Variants in CNTNAP5 observed in about 807,000 individuals in gnomAD.
CNTNAP5 encodes the protein contactin-associated protein-like 5.
In CNTNAP5, 72 loss-of-function variants were observed where a neutral mutation model predicts 150.2. The observed-to-expected ratio is 0.48, with a 90% CI of 0.40 to 0.58. The LOEUF is 0.58. Among genes scored for constraint, CNTNAP5 ranks in the 20% least tolerant of loss-of-function variants. The probability of loss-of-function intolerance (pLI) is 0.00; values close to 1 mark genes in which losing one functional copy is unlikely to be tolerated. For missense variants in CNTNAP5, 1,636 were observed against 1,626.2 expected (o/e 1.01, Z -0.10); for synonymous variants, 672 against 619.8 (o/e 1.08, Z -1.25).
intron 1 of CNTNAP5, among the ~76,000 whole-genome samples, chr2:124,077,922 T>C (rs1033005627): frequency 2.0e-5 from 3 of 152,206 alleles, no homozygotes; most frequent in African/African-American, 4.8e-5. Context: ...TGAGGGCATA[T>C]GGACATGGTT....
At chr2:124,776,635 A>T (rs1681330567) in intron 17 of CNTNAP5, among the ~76,000 whole-genome samples, 1 of 152,294 alleles carries the variant, frequency 6.6e-6, no homozygotes, top group Non-Finnish European at 1.5e-5. Context: ...TATGCTTGTG[A>T]GTGCCTCATG....
At chr2:124,088,896 A>AT (rs1332928597) in intron 1 of CNTNAP5, among the ~76,000 whole-genome samples, 9 of 152,212 alleles carry the variant, frequency 5.9e-5, no homozygotes, top group African/African-American at 2.2e-4. Context: ...ATGAGTAAAG[A>AT]TAGAGCCACA....
chr2:124,332,565 G>A (rs913525672), intron 3 of CNTNAP5, among the ~76,000 whole-genome samples: 6 of 151,362 alleles, frequency 4.0e-5, no homozygotes, highest in African/African-American at 1.5e-4. Flanking sequence ...AATAAGTAAT[G>A]TTTTAATATT....
intron 8 of CNTNAP5, among the ~76,000 whole-genome samples, chr2:124,510,518 T>TATATATATATATATATATATATATAC (rs10641959): frequency 8.0e-6 from 1 of 124,916 alleles, no homozygotes. Context: ...TATATATATA[T>TATATATATATATATATATATATATAC]ACATATATCT....
intron 3 of CNTNAP5, among the ~76,000 whole-genome samples, chr2:124,409,233 G>A (rs1240169841): frequency 5.4e-5 from 6 of 112,070 alleles, no homozygotes; most frequent in African/African-American, 1.9e-4. Context: ...TATGTGAAAA[G>A]ACCAAATCTA....
chr2:124,126,097 A>C (rs1242602403), intron 1 of CNTNAP5, among the ~76,000 whole-genome samples: 2 of 152,244 alleles, frequency 1.3e-5, no homozygotes, highest in Admixed American at 6.5e-5. Flanking sequence ...GACACAAAAA[A>C]CCCTTCAAAA....
At chr2:124,709,759 A>G (rs1198811043) in intron 13 of CNTNAP5, among the ~76,000 whole-genome samples, 2 of 152,200 alleles carry the variant, frequency 1.3e-5, no homozygotes, top group African/African-American at 2.4e-5. Flanking sequence ...TAATTAATCC[A>G]CCAGATAATT....
chr2:124,574,963 C>T (rs1175405257), intron 11 of CNTNAP5, among the ~76,000 whole-genome samples: 1 of 152,214 alleles, frequency 6.6e-6, no homozygotes, highest in Non-Finnish European at 1.5e-5. Context: ...GAATCTGCCC[C>T]TCAGTGCTGT....
At chr2:124,679,124 G>A (rs1312371395) in intron 13 of CNTNAP5, among the ~76,000 whole-genome samples, 1 of 151,816 alleles carries the variant, frequency 6.6e-6, no homozygotes, top group Non-Finnish European at 1.5e-5. Context: ...AGACAGGCAG[G>A]CATTGACAAG....
chr2:124,845,378 T>G (rs1206960710), intron 19 of CNTNAP5, among the ~76,000 whole-genome samples: 1 of 152,052 alleles, frequency 6.6e-6, no homozygotes, highest in Non-Finnish European at 1.5e-5. Context: ...TGAATTTGGT[T>G]GGCTGGTATT....
At chr2:124,672,781 T>A (rs1192606297) in intron 13 of CNTNAP5, among the ~76,000 whole-genome samples, 1 of 152,126 alleles carries the variant, frequency 6.6e-6, no homozygotes, top group Non-Finnish European at 1.5e-5. Flanking sequence ...TTAAAAAGAC[T>A]AAAATATGAG....
rs1356844958 is a variant in CNTNAP5 at position 124,920,753 on chromosome 2, G to C, written c.*6465G>C. Among the ~76,000 whole-genome samples the C allele has an allele frequency of 6.6e-6, 1 of 152,110 alleles. No individual in the cohort carries two copies. Among genetic ancestry groups the C allele is most frequent in the East Asian group, 1.9e-4 (1 of 5,176 alleles). ...TAATTTAGTTCATAGGTTACGGTTT[G>C]CTGATTCCTAAGATAGAGCATTACA... On this transcript the variant is annotated 3_prime_UTR_variant, in exon 24 of 24. Transcript: ENST00000682447.
intron 19 of CNTNAP5, among the ~76,000 whole-genome samples, chr2:124,840,734 C>T (rs184532369): frequency 3.9e-5 from 6 of 152,036 alleles, no homozygotes; most frequent in East Asian, 1.9e-4. Context: ...GCTAGTTACA[C>T]GATTTGTTAA....
chr2:124,409,751 C>A (rs1029624539), intron 3 of CNTNAP5, among the ~76,000 whole-genome samples: 1 of 150,988 alleles, frequency 6.6e-6, no homozygotes, highest in Non-Finnish European at 1.5e-5. Flanking sequence ...AAGGAACAAC[C>A]GGTACCAGCC....
chr2:124,565,543 A>T (rs1342583890), intron 11 of CNTNAP5, among the ~76,000 whole-genome samples: 1 of 151,618 alleles, frequency 6.6e-6, no homozygotes, highest in Non-Finnish European at 1.5e-5. Context: ...CAATAGAATA[A>T]CAGAGATTGA....
At chr2:124,692,370 G>T (rs2105080520) in intron 13 of CNTNAP5, among the ~76,000 whole-genome samples, 1 of 152,240 alleles carries the variant, frequency 6.6e-6, no homozygotes, top group Admixed American at 6.5e-5. Flanking sequence ...CTACTGAGGG[G>T]AGTTGAGTAG....
intron 1 of CNTNAP5, among the ~76,000 whole-genome samples, chr2:124,068,554 G>T (rs554981842): frequency 6.6e-6 from 1 of 151,970 alleles, no homozygotes; most frequent in East Asian, 1.9e-4. Context: ...TCTTAGGCAC[G>T]TCCTGATGCT....
intron 3 of CNTNAP5, among the ~76,000 whole-genome samples, chr2:124,266,766 G>A (rs1687615477): frequency 6.6e-6 from 1 of 152,124 alleles, no homozygotes; most frequent in African/African-American, 2.4e-5. Flanking sequence ...CAGATGGAGT[G>A]AAGCCCTAAA....
chr2:124,847,419 C>A (rs1031640438), intron 19 of CNTNAP5, among the ~76,000 whole-genome samples: 3 of 152,152 alleles, frequency 2.0e-5, no homozygotes, highest in African/African-American at 7.2e-5. Flanking sequence ...AGGCCTCACC[C>A]CACTCCCATG....
Sources: gnomAD v4.1 joint callset for allele counts (sites outside exome capture counted in the v4.1 genomes callset) on GRCh38, gnomAD v4.1.1 for gene constraint, MANE v1.5 for transcripts, NCBI Gene and HGNC (gene_info 2026-07-23, HGNC 2026-07-21) for gene names.